The following ANKRD17 variants were observed in gnomAD, a reference collection of about 807,000 sequenced individuals.
The protein encoded by ANKRD17 is ankyrin repeat domain 17.
Under a neutral mutation model 229.7 loss-of-function variants are expected in ANKRD17, and 19 were observed. The ratio of observed to expected loss-of-function variants is 0.08; its 90% CI spans 0.06 to 0.12. ANKRD17 has a LOEUF of 0.12. ANKRD17 is among the 10% of genes least tolerant of loss of function. The pLI is 1.00. For synonymous variants in ANKRD17, 1,112 were observed against 1,146.1 expected (o/e 0.97, Z 0.60); for missense variants, 2,176 against 3,176.8 (o/e 0.68, Z 7.57).
In ANKRD17 at chr4:73,140,224, A is replaced by G; in HGVS notation, c.2392T>C (p.Tyr798His). The G allele has an allele frequency of 6.2e-7, 1 of 1,611,224 alleles. No homozygotes were observed. Among genetic ancestry groups the G allele is most frequent in the South Asian group, 1.1e-5 (1 of 90,016 alleles). ...CTCTCTGGAGACTGATTGGTGATGT[A>G]ACCCTGTACATCCTGGCTGTTTGCT... is the stretch of plus-strand genomic sequence containing the variant. Reference protein sequence around the residue: ...LPANSQDVQGYITNQSPESIV... With the variant: ...LPANSQDVQGHITNQSPESIV... The change falls in exon 15 of 34, where the codon TAC becomes CAC. Residue 798 changes from tyrosine (Y) to histidine (H), a missense_variant. This residue lies in a region of ANKRD17 where 275 missense variants were observed against 386.9 expected (regional missense o/e 0.71). Coordinates refer to ENST00000358602, the MANE Select transcript of ANKRD17 (RefSeq NM_032217.5).
chr4:73,214,331 C>T lies in ANKRD17; in HGVS notation c.394-36798G>A, dbSNP rs144601127. Among the ~76,000 whole-genome samples, 287 of 152,298 alleles carry T rather than the reference C, an allele frequency of 1.9e-3. 1 individual carries two copies. Among genetic ancestry groups the T allele is most frequent in the African/African-American group, 6.6e-3 (275 of 41,566 alleles). On this transcript the variant is annotated intron_variant, in intron 1 of 33. Transcript: ENST00000358602. ...ATCAAGCAGACTTGTCTAAATCTTA[C>T]TTTTACTCCCTTAATGAGTGTAAAC...
rs777363325 is a variant in ANKRD17 at position 73,092,178 on chromosome 4, T to C, written c.5450A>G (p.Lys1817Arg). ...NRLKSSSANS[K>R]IGSSAPTTTA... The stretch of plus-strand genomic sequence containing the variant: ...GGTGGTAGGTGCTGATGACCCTATT[T>C]TGGAATTTGCTGAGGAGCTTTTCAA... The change falls in exon 29 of 34, where the codon AAA (lysine) becomes AGA (arginine). Residue 1817 changes from lysine to arginine, a missense_variant. Physicochemically the swap from Lys to Arg is conservative, Grantham distance 26 (BLOSUM62 2). Coordinates refer to ENST00000358602, the MANE Select transcript of ANKRD17 (RefSeq NM_032217.5). 3.7e-6 allele frequency: 6 copies of C among 1,614,170 alleles called. No homozygotes were observed. In the East Asian group the frequency reaches 1.1e-4, roughly 30 times the overall value.
chr4:73,198,192 A>T (rs1318748883), intron 1 of ANKRD17, among the ~76,000 whole-genome samples: 1 of 152,180 alleles, frequency 6.6e-6, no homozygotes, highest in Admixed American at 6.5e-5. Context: ...ACATTATAGA[A>T]GCATTAAATA....
chr4:73,120,084 A>G (rs977419224), intron 21 of ANKRD17, 78 bp downstream of exon 21: 1 of 1,432,818 alleles, frequency 7.0e-7, no homozygotes, highest in African/African-American at 1.4e-5. Context: ...GATTTTTTAA[A>G]TAGTTTAATT....
Position 73,078,655 on chromosome 4 carries a change from A to C in ANKRD17, c.7395T>G (p.Ile2465Met). Residue 2465 changes from isoleucine to methionine, a missense_variant, in exon 31 of 34, where the codon ATT becomes ATG. By Grantham distance (10) the Ile-to-Met change is conservative. Coordinates refer to ENST00000358602, the MANE Select transcript of ANKRD17 (RefSeq NM_032217.5). ...GHSGIWSFEG[I>M]GGNQDKVDWC... ...AGAATATCCTACCTTGATTGCCACC[A>C]ATCCCTTCAAAGGACCAGATGCCAC... 1 of 1,614,168 alleles carries C rather than the reference A, an allele frequency of 6.2e-7. No individual in the cohort carries two copies. The highest frequency in any genetic ancestry group is 8.5e-7 in the Non-Finnish European group (1 of 1,179,978).
chr4:73,083,428 G>A (rs1251073359), intron 30 of ANKRD17, among the ~76,000 whole-genome samples: 2 of 152,084 alleles, frequency 1.3e-5, no homozygotes, highest in East Asian at 3.9e-4. Context: ...AAATGGTTCA[G>A]CAAAACAGTA....
chr4:73,192,981 CT>C (rs1245518055), intron 1 of ANKRD17, among the ~76,000 whole-genome samples: 1 of 151,978 alleles, frequency 6.6e-6, no homozygotes, highest in African/African-American at 2.4e-5. Flanking sequence ...AAAATTCACC[CT>C]TTTTTCGTGG....
intron 5 of ANKRD17, 82 bp from the exon 6 acceptor site, chr4:73,154,195 G>A: frequency 2.4e-6 from 2 of 844,186 alleles, no homozygotes; most frequent in Non-Finnish European, 3.5e-6. Flanking sequence ...TAAGAAAATG[G>A]AAACAGAAGA....
intron 1 of ANKRD17, among the ~76,000 whole-genome samples, chr4:73,235,560 A>G (rs1406258985): frequency 1.3e-5 from 2 of 152,228 alleles, no homozygotes; most frequent in African/African-American, 4.8e-5. Flanking sequence ...TCTTTAAACA[A>G]TATCAGTGGG....
At chr4:73,115,720 T>A in intron 23 of ANKRD17, 101 bp downstream of exon 23, 2 of 812,322 alleles carry the variant, frequency 2.5e-6, no homozygotes, top group South Asian at 1.9e-5. Flanking sequence ...TAAATGAAAA[T>A]GGCTACATAT....
chr4:73,197,876 T>C (rs1047335545), intron 1 of ANKRD17, among the ~76,000 whole-genome samples: 1 of 152,098 alleles, frequency 6.6e-6, no homozygotes, highest in African/African-American at 2.4e-5. Flanking sequence ...CTGAAGAAAT[T>C]CAGGTAAATG....
chr4:73,078,800 A>G lies in ANKRD17; in HGVS notation c.7250T>C (p.Val2417Ala). ...GACTGGAACTTTCCTGTCCTGAGAC[A>G]CATTGCTGGGCTTTTCTGACCCTAA... ...VPLGSEKPSN[V>A]SQDRKVPVPI... Residue 2417 changes from valine (V) to alanine (A), a missense_variant, in exon 31 of 34, where the codon GTG becomes GCG. Around this residue, in one of 18 missense-constraint regions of ANKRD17, gnomAD observed 87 missense variants for 116.0 expected, o/e 0.75. Coordinates refer to ENST00000358602, the MANE Select transcript of ANKRD17 (RefSeq NM_032217.5). 6.2e-7 allele frequency: 1 copy of G among 1,614,140 alleles called. No individual in the cohort carries two copies. The highest frequency in any genetic ancestry group is 1.1e-5 in the South Asian group (1 of 91,080).
intron 1 of ANKRD17, among the ~76,000 whole-genome samples, chr4:73,179,488 G>GTGTATATATATATATATA (rs1491132715): frequency 4.1e-5 from 2 of 48,218 alleles, no homozygotes; most frequent in African/African-American, 8.8e-5. Flanking sequence ...GTGTGTGTGT[G>GTGTATATATATATATATA]TATATATATA....
chr4:73,110,314 T>C (rs182273885), intron 24 of ANKRD17, among the ~76,000 whole-genome samples: 24 of 152,302 alleles, frequency 1.6e-4, no homozygotes, highest in Admixed American at 5.9e-4. Flanking sequence ...ACTTAATAAG[T>C]ATTAAAAAAT....
At chr4:73,121,849 T>C (rs112968035) in intron 18 of ANKRD17, 90 bp from the exon 19 acceptor site, 19 of 1,297,086 alleles carry the variant, frequency 1.5e-5, no homozygotes, top group African/African-American at 1.5e-5. Flanking sequence ...TGGTATACTG[T>C]ACAATAAAAG....
intron 28 of ANKRD17, among the ~76,000 whole-genome samples, chr4:73,092,961 G>T (rs1560506788): frequency 6.6e-6 from 1 of 152,126 alleles, no homozygotes; most frequent in Non-Finnish European, 1.5e-5. Context: ...GATATTTATG[G>T]AAACTCAAGG....
intron 14 of ANKRD17, 93 bp downstream of exon 14, chr4:73,141,648 T>C (rs1729622096): frequency 8.0e-7 from 1 of 1,251,446 alleles, no homozygotes; most frequent in African/African-American, 1.5e-5. Context: ...GCCAACTTAG[T>C]AAACTTCTTT....
At chr4:73,092,901 C>T (rs534921793) in intron 28 of ANKRD17, among the ~76,000 whole-genome samples, 1 of 151,948 alleles carries the variant, frequency 6.6e-6, no homozygotes, top group South Asian at 2.1e-4. Context: ...CCTGATAGTG[C>T]CAAAAATAGC....
intron 16 of ANKRD17, among the ~76,000 whole-genome samples, chr4:73,126,959 TAA>T (rs1727557501): frequency 6.6e-6 from 1 of 152,196 alleles, no homozygotes; most frequent in Non-Finnish European, 1.5e-5. Context: ...ATGGTTAGTG[TAA>T]CAGAGGAACT....
Sources: allele counts gnomAD v4.1 joint callset (sites outside exome capture counted in the v4.1 genomes callset), GRCh38; gene constraint gnomAD v4.1.1; regional missense constraint gnomAD v4.1.1; transcripts MANE v1.5; gene names NCBI Gene and HGNC (gene_info 2026-07-23, HGNC 2026-07-21).